The following PTPRM variants were observed in gnomAD, a reference collection of about 807,000 sequenced individuals.
PTPRM encodes protein tyrosine phosphatase receptor type M, also known as receptor-type tyrosine-protein phosphatase mu.
In PTPRM, 47 loss-of-function variants were observed where a neutral mutation model predicts 186.7. That is an observed-to-expected ratio of 0.25 (90% CI 0.20 to 0.32). The LOEUF is 0.32. PTPRM is among the 10% of genes least tolerant of loss of function. The pLI is 1.00. For synonymous variants in PTPRM, 668 were observed against 674.9 expected (o/e 0.99, Z 0.16); for missense variants, 1,494 against 1,865.0 (o/e 0.80, Z 3.66).
intron 1 of PTPRM, among the ~76,000 whole-genome samples, chr18:7,746,769 T>A (rs1184312455): frequency 6.6e-6 from 1 of 152,280 alleles, no homozygotes; most frequent in Middle Eastern, 3.4e-3. Flanking sequence ...CCTGGCCCCA[T>A]CATAGTCTTG....
chr18:7,660,122 A>C (rs1483097814), intron 1 of PTPRM, among the ~76,000 whole-genome samples: 1 of 152,120 alleles, frequency 6.6e-6, no homozygotes, highest in Non-Finnish European at 1.5e-5. Context: ...AGATCACTTG[A>C]GGTCAGTAGT....
intron 30 of PTPRM, among the ~76,000 whole-genome samples, chr18:8,385,636 T>A: frequency 6.6e-6 from 1 of 151,782 alleles, no homozygotes; most frequent in Non-Finnish European, 1.5e-5. Context: ...TGATGGGGAG[T>A]GAGCAGTTCA....
intron 2 of PTPRM, among the ~76,000 whole-genome samples, chr18:7,842,930 G>GTATATATATATATATATATA (rs1555616949): frequency 9.9e-6 from 1 of 100,932 alleles, no homozygotes; most frequent in East Asian, 3.6e-4. Context: ...GTGTGTGTGT[G>GTATATATATATATATATATA]TATATATATA....
chr18:7,680,927 T>C (rs1466909741), intron 1 of PTPRM, among the ~76,000 whole-genome samples: 3 of 152,160 alleles, frequency 2.0e-5, no homozygotes, highest in African/African-American at 7.2e-5. Flanking sequence ...GCCCAGATGC[T>C]TCAAGGTCAC....
intron 4 of PTPRM, among the ~76,000 whole-genome samples, chr18:7,926,215 G>C (rs1317508933): frequency 6.6e-6 from 1 of 152,008 alleles, no homozygotes; most frequent in Non-Finnish European, 1.5e-5. Context: ...ATATGTTTTT[G>C]TTCAAAACAT....
intron 1 of PTPRM, among the ~76,000 whole-genome samples, chr18:7,606,868 C>T (rs1022838702): frequency 3.9e-5 from 6 of 152,168 alleles, no homozygotes; most frequent in African/African-American, 1.4e-4. Flanking sequence ...TTTCAGGTCC[C>T]TGAATTCCCC....
At chr18:7,671,386 T>C (rs1173340158) in intron 1 of PTPRM, among the ~76,000 whole-genome samples, 4 of 152,204 alleles carry the variant, frequency 2.6e-5, no homozygotes, top group African/African-American at 9.6e-5. Context: ...GAGACACTTT[T>C]CCCTGCCTCT....
At chr18:7,814,582 A>G (rs2044705742) in intron 2 of PTPRM, 1 of 152,214 alleles carries the variant, frequency 6.6e-6, no homozygotes, top group South Asian at 2.1e-4. Flanking sequence ...GAGGGATAAT[A>G]GTGATGCTAT....
intron 6 of PTPRM, 88 bp downstream of exon 6, chr18:7,949,443 T>C: frequency 8.9e-7 from 1 of 1,122,246 alleles, no homozygotes; most frequent in Non-Finnish European, 1.2e-6. Context: ...AGCTCAAACT[T>C]ACCCTTGTCT....
chr18:8,036,068 G>A lies in PTPRM; in HGVS notation c.1133-33618G>A, dbSNP rs958185705. Among the ~76,000 whole-genome samples, 28 of 152,162 alleles carry A rather than the reference G, an allele frequency of 1.8e-4. 1 individual carries two copies. Among genetic ancestry groups the A allele is most frequent in the African/African-American group, 6.0e-4 (25 of 41,444 alleles). ...ACAACAAAGAAGGATAGTTTCAGGCGGAGTAGCCACATCATGCTGGAGGTT... is the reference window on the plus strand; with the variant it reads ...ACAACAAAGAAGGATAGTTTCAGGCAGAGTAGCCACATCATGCTGGAGGTT... On this transcript the variant is annotated intron_variant, in intron 7 of 32. Transcript: ENST00000580170.
chr18:7,729,727 C>T (rs72899393), intron 1 of PTPRM, among the ~76,000 whole-genome samples: 3,227 of 152,212 alleles, frequency 0.021, 50 homozygotes, highest in Middle Eastern at 0.048. Context: ...GAATTTATTA[C>T]TTCAGTTATT....
chr18:8,017,410 A>C (rs1303606581), intron 7 of PTPRM, among the ~76,000 whole-genome samples: 1 of 151,668 alleles, frequency 6.6e-6, no homozygotes, highest in Non-Finnish European at 1.5e-5. Flanking sequence ...AATATACAAA[A>C]ATTTTGTCCT....
At chr18:8,021,526 C>A (rs539265277) in intron 7 of PTPRM, among the ~76,000 whole-genome samples, 7 of 152,080 alleles carry the variant, frequency 4.6e-5, no homozygotes, top group Admixed American at 1.3e-4. Context: ...TCTTGCCCCC[C>A]ACTCCTCGAA....
At chr18:7,889,028 C>T (rs966374321) in intron 3 of PTPRM, among the ~76,000 whole-genome samples, 3 of 152,024 alleles carry the variant, frequency 2.0e-5, no homozygotes, top group East Asian at 1.9e-4. Context: ...ACCTGGGTGA[C>T]GGGATTAATC....
At chr18:8,135,505 C>T (rs1194735620) in intron 13 of PTPRM, among the ~76,000 whole-genome samples, 1 of 152,166 alleles carries the variant, frequency 6.6e-6, no homozygotes, top group Non-Finnish European at 1.5e-5. Context: ...CCACGGGGAA[C>T]CCAGCCATCT....
intron 1 of PTPRM, among the ~76,000 whole-genome samples, chr18:7,738,445 T>G (rs940676978): frequency 3.3e-5 from 5 of 152,042 alleles, no homozygotes; most frequent in African/African-American, 1.2e-4. Context: ...ACTTTTGGTT[T>G]TTTTTTTTGA....
At position 8,252,502 on chromosome 18, in the gene PTPRM, A is replaced by G; in HGVS notation, c.2566+3A>G. The stretch of plus-strand genomic sequence containing the variant: ...CTTCTTAAAAGTGCCAATAAATGGT[A>G]AGTTCCCCGATTCGCCCCATGGAAG... On this transcript the variant is annotated splice_donor_region_variant and intron_variant, in intron 18 of 32. Transcript: ENST00000580170. 1 of 1,549,496 alleles carries G rather than the reference A, an allele frequency of 6.5e-7. No individual in the cohort carries two copies. The highest frequency in any genetic ancestry group is 8.9e-7 in the Non-Finnish European group (1 of 1,121,232).
At chr18:8,095,776 C>G (rs1289471882) in intron 11 of PTPRM, among the ~76,000 whole-genome samples, 2 of 151,936 alleles carry the variant, frequency 1.3e-5, no homozygotes, top group African/African-American at 4.8e-5. Context: ...ACACTTAGTC[C>G]TTTTTAGAAG....
chr18:7,941,748 G>T (rs905554370), intron 5 of PTPRM, among the ~76,000 whole-genome samples: 1 of 152,208 alleles, frequency 6.6e-6, no homozygotes, highest in Non-Finnish European at 1.5e-5. Flanking sequence ...CATGTTTCTA[G>T]TCCACCTGAT....
Sources: allele counts gnomAD v4.1 joint callset (sites outside exome capture counted in the v4.1 genomes callset), GRCh38; gene constraint gnomAD v4.1.1; transcripts MANE v1.5; gene names NCBI Gene and HGNC (gene_info 2026-07-23, HGNC 2026-07-21).